MYO7B: variants seen among roughly 807,000 people sequenced by gnomAD.
MYO7B encodes unconventional myosin-VIIb.
MYO7B carries 212 observed loss-of-function variants against 259.7 expected under a neutral mutation model. The observed-to-expected ratio is 0.82, with a 90% confidence interval of 0.73 to 0.91. The LOEUF (loss-of-function observed/expected upper bound fraction) is 0.91, where lower values mean the gene tolerates loss of function less well. Ranked by LOEUF, MYO7B falls within the 40% of genes least tolerant of loss-of-function variation. MYO7B has a pLI of 0.00. For synonymous variants in MYO7B, 1,197 were observed against 1,166.4 expected, an observed-to-expected ratio of 1.03 and a Z score of -0.54; for missense variants, 2,732 against 2,813.5, an observed-to-expected ratio of 0.97 and a Z score of 0.66.
At chr2:127,571,655 T>A (rs1473885935) in intron 6 of MYO7B, among the ~76,000 whole-genome samples, 3 of 151,774 alleles carry the variant, frequency 2.0e-5, no homozygotes, top group African/African-American at 7.3e-5. Context: ...TAATTTTGTA[T>A]TTTTAGTAGA....
chr2:127,543,519 A>G (rs1693091063), intron 1 of MYO7B, among the ~76,000 whole-genome samples: 1 of 152,116 alleles, frequency 6.6e-6, no homozygotes, highest in Non-Finnish European at 1.5e-5. Flanking sequence ...TAGACACAGT[A>G]ACAGTCTGAT....
At chr2:127,621,916 G>C in intron 27 of MYO7B, 66 bp from the exon 28 acceptor site, 2 of 1,548,694 alleles carry the variant, frequency 1.3e-6, no homozygotes, top group Non-Finnish European at 1.7e-6. Context: ...AGTCCACCTG[G>C]GTGGTGAGTA....
intron 1 of MYO7B, among the ~76,000 whole-genome samples, chr2:127,558,872 G>A (rs1293583728): frequency 1.3e-5 from 2 of 152,096 alleles, no homozygotes; most frequent in Non-Finnish European, 2.9e-5. Context: ...ATGATACAAT[G>A]GACTTTGGGG....
In MYO7B at chr2:127,631,717, G is replaced by A. The variant is rs1352097329; in HGVS notation, c.5213G>A (p.Cys1738Tyr). 1 of 1,612,796 alleles carries A rather than the reference G, an allele frequency of 6.2e-7. No individual in the cohort carries two copies. The highest frequency in any genetic ancestry group is 1.7e-5 in the Admixed American group (1 of 59,984). Residue 1738 changes from cysteine (C) to tyrosine (Y), a missense_variant, in exon 38 of 48, where the codon TGC (cysteine) becomes TAC (tyrosine). Cys to Tyr is a radical substitution (Grantham distance 194). Around this residue, in one of 3 missense-constraint regions of MYO7B, gnomAD observed 821 missense variants for 769.3 expected, o/e 1.07. Transcript: ENST00000409816. ...CCGGCCCTCCAGGACGAGGTCTACT[G>A]CCAGATCCTGAAGCAGCTGACGCAC... is the stretch of plus-strand genomic sequence containing the variant. ...QHPALQDEVY[C>Y]QILKQLTHNS...
chr2:127,540,711 A>T (rs998149564), intron 1 of MYO7B, among the ~76,000 whole-genome samples: 1 of 152,164 alleles, frequency 6.6e-6, no homozygotes, highest in African/African-American at 2.4e-5. Context: ...AGGATTTCTC[A>T]AGGACCATCC....
At chr2:127,616,174 A>C (rs188333285) in intron 26 of MYO7B, among the ~76,000 whole-genome samples, 9 of 152,370 alleles carry the variant, frequency 5.9e-5, no homozygotes, top group Non-Finnish European at 8.8e-5. Context: ...TCTGATTAAC[A>C]GAAGGCACAG....
chr2:127,628,203 T>G lies in MYO7B; in HGVS notation c.4461-169T>G. The stretch of plus-strand genomic sequence containing the variant: ...GAGAGGTCCTGTGCTCCGCCGTCCT[T>G]CATTTGTCCAGACCCACAGTGGTGT... On this transcript the variant is annotated intron_variant, in intron 33 of 47. Coordinates refer to ENST00000409816, the MANE Select transcript of MYO7B (RefSeq NM_001393586.1). The surrounding 1 kb of genome is among the most constrained non-coding windows in gnomAD (Gnocchi z 4.8). 1 of 815,088 alleles carries G rather than the reference T, an allele frequency of 1.2e-6. No homozygotes were observed. The highest frequency in any genetic ancestry group is 2.0e-6 in the Non-Finnish European group (1 of 490,452). 50.5% of individuals were successfully genotyped at this position (815,088 alleles called of 1,614,324 possible).
chr2:127,560,889 C>A lies in MYO7B; in HGVS notation c.18+1149C>A, dbSNP rs563607367. On this transcript the variant is annotated intron_variant, in intron 2 of 47. Transcript: ENST00000409816. ...ACTACGCAGCGGCCCCTGGTGCTGCCACTAAGCCTGGCAGCATCTGACTCA... is the reference window on the plus strand; with the variant it reads ...ACTACGCAGCGGCCCCTGGTGCTGCAACTAAGCCTGGCAGCATCTGACTCA... 2.3e-3 allele frequency among the ~76,000 whole-genome samples: 356 copies of A among 152,294 alleles called. 2 individuals are homozygous for A. Among genetic ancestry groups the A allele is most frequent in the African/African-American group, 7.9e-3 (327 of 41,564 alleles).
Position 127,609,712 on chromosome 2 carries a change from CT to C in MYO7B, c.3023del (p.Leu1008TrpfsTer11). 1.2e-6 allele frequency: 2 copies of C among 1,613,946 alleles called. No individual in the cohort carries two copies. The highest frequency in any genetic ancestry group is 1.7e-6 in the Non-Finnish European group (2 of 1,179,852). ...LLYHEDDTDC[L>X]AALVIWNVIL... The stretch of plus-strand genomic sequence containing the variant: ...TTTACCACGAAGATGACACTGACTG[CT>C]TGGTACCAGGGTTCACTGGCTTCTA... On this transcript the variant is annotated frameshift_variant and splice_region_variant, in exon 23 of 48. Transcript: ENST00000409816. LOFTEE classifies it high-confidence loss of function. This position sits in a 1 kb window ranked among gnomAD's most constrained non-coding sequence, Gnocchi z 6.9.
At position 127,623,322 on chromosome 2, in the gene MYO7B, C is replaced by T; in HGVS notation, c.3766C>T (p.Gln1256Ter). 1 of 1,611,728 alleles carries T rather than the reference C, an allele frequency of 6.2e-7. No homozygotes were observed. Among genetic ancestry groups the T allele is most frequent in the Non-Finnish European group, 8.5e-7 (1 of 1,178,922 alleles). Reference sequence around the variant, plus strand: ...AATGTGCATGCACATCGCTCACAAGCAGGGCCTCAGCGACCACCTGGGCTT... The same window carrying T: ...AATGTGCATGCACATCGCTCACAAGTAGGGCCTCAGCGACCACCTGGGCTT... Reference protein sequence around the residue: ...REMCMHIAHKQGLSDHLGFSL... With the variant: ...REMCMHIAHK The change falls in exon 29 of 48, where the codon CAG (glutamine) becomes TAG (stop). Residue 1256 changes from glutamine to a stop codon, truncating the protein, a stop_gained. Transcript: ENST00000409816. LOFTEE classifies it high-confidence loss of function.
Position 127,612,608 on chromosome 2 carries a change from G to A in MYO7B, c.3398+5G>A. The A allele has an allele frequency of 2.5e-6, 4 of 1,609,972 alleles. No individual in the cohort carries two copies. Among genetic ancestry groups the A allele is most frequent in the Non-Finnish European group, 3.4e-6 (4 of 1,178,794 alleles). Reference sequence around the variant, plus strand: ...CATCCTGCGGCCCAGCCTCAGGTCAGTTCCCACTCCCATCCCGGCCCCATT... The same window carrying A: ...CATCCTGCGGCCCAGCCTCAGGTCAATTCCCACTCCCATCCCGGCCCCATT... On this transcript the variant is annotated splice_donor_5th_base_variant and intron_variant, in intron 26 of 47. Transcript: ENST00000409816.
At chr2:127,591,423 C>G (rs932550731) in intron 16 of MYO7B, among the ~76,000 whole-genome samples, 1 of 152,206 alleles carries the variant, frequency 6.6e-6, no homozygotes, top group African/African-American at 2.4e-5. Context: ...GCTGGGATAT[C>G]TCTCATTGGT....
chr2:127,608,806 G>T lies in MYO7B; in HGVS notation c.2742G>T (p.Met914Ile), dbSNP rs375129613. ...ACGACACCGTCACTGACACGGAGAT[G>T]GTGGAGAAGGTGTTCGGCTTCCTCC... ...SIYDTVTDTE[M>I]VEKVFGFLPA... Residue 914 changes from methionine to isoleucine, a missense_variant, in exon 22 of 48, where the codon ATG becomes ATT. By Grantham distance (10) the Met-to-Ile change is conservative. Coordinates refer to ENST00000409816, the MANE Select transcript of MYO7B (RefSeq NM_001393586.1). 1 of 1,613,558 alleles carries T rather than the reference G, an allele frequency of 6.2e-7. No individual in the cohort carries two copies. Among genetic ancestry groups the T allele is most frequent in the Non-Finnish European group, 8.5e-7 (1 of 1,179,870 alleles).
intron 39 of MYO7B, among the ~76,000 whole-genome samples, chr2:127,632,801 C>T (rs577119126): frequency 6.6e-6 from 1 of 152,222 alleles, no homozygotes; most frequent in African/African-American, 2.4e-5. Context: ...TGCTCTCCCC[C>T]ACCCCTCCTG....
chr2:127,565,308 A>G lies in MYO7B; in HGVS notation c.208A>G (p.Met70Val). 1 of 1,614,028 alleles carries G rather than the reference A, an allele frequency of 6.2e-7. No homozygotes were observed. Among genetic ancestry groups the G allele is most frequent in the Non-Finnish European group, 8.5e-7 (1 of 1,179,884 alleles). Residue 70 changes from methionine (M) to valine (V), a missense_variant, in exon 4 of 48, where the codon ATG (methionine) becomes GTG (valine). Coordinates refer to ENST00000409816, the MANE Select transcript of MYO7B (RefSeq NM_001393586.1). ...HPNSVQGVDD[M>V]IRLGDLNEAG... is the part of the protein sequence containing the mutation. ...CAACTCAGTCCAGGGTGTGGACGAC[A>G]TGATCCGCCTGGGGGACCTGAACGA... is the stretch of plus-strand genomic sequence containing the variant.
At chr2:127,536,515 G>T (rs1293009424) in intron 1 of MYO7B, among the ~76,000 whole-genome samples, 1 of 151,970 alleles carries the variant, frequency 6.6e-6, no homozygotes, top group Non-Finnish European at 1.5e-5. Flanking sequence ...GACCGCACCG[G>T]GGCTCACATG....
At position 127,561,381 on chromosome 2, in the gene MYO7B, C is replaced by T. The variant is rs529541303; in HGVS notation, c.18+1641C>T. Among the ~76,000 whole-genome samples, 10 of 152,124 alleles carry T rather than the reference C, an allele frequency of 6.6e-5. No homozygotes were observed. In the East Asian group the frequency reaches 1.9e-3, roughly 29 times the overall value. On this transcript the variant is annotated intron_variant, in intron 2 of 47. Transcript: ENST00000409816. ...TCAAGCAATCCTCCCACCTCAGCCT[C>T]CTGAGTAGCTGGGACTACAGGCACC...
intron 27 of MYO7B, among the ~76,000 whole-genome samples, chr2:127,621,359 G>A (rs771612403): frequency 1.3e-5 from 2 of 151,580 alleles, no homozygotes; most frequent in Non-Finnish European, 2.9e-5. Context: ...TGCCTCCCGG[G>A]TTCAAGCAAT....
At chr2:127,561,074 T>C (rs1157654473) in intron 2 of MYO7B, among the ~76,000 whole-genome samples, 1 of 152,138 alleles carries the variant, frequency 6.6e-6, no homozygotes, top group Non-Finnish European at 1.5e-5. Flanking sequence ...CTTTGGAGCA[T>C]GATGTGGTTT....
Sources: gnomAD v4.1 joint callset for allele counts (sites outside exome capture counted in the v4.1 genomes callset) on GRCh38, gnomAD v4.1.1 for gene constraint, gnomAD v4.1.1 regional missense constraint, Gnocchi (gnomAD v3.1) non-coding constraint, MANE v1.5 for transcripts, NCBI Gene and HGNC (gene_info 2026-07-23, HGNC 2026-07-21) for gene names.